The following ADAMTSL2 variants were observed in gnomAD, a reference collection of about 807,000 sequenced individuals.
ADAMTSL2 encodes the protein ADAMTS like 2.
Under a neutral mutation model 117.0 loss-of-function variants are expected in ADAMTSL2, and 55 were observed. The observed-to-expected ratio is 0.47, with a 90% CI of 0.38 to 0.59. ADAMTSL2 has a LOEUF of 0.59. Ranked by LOEUF, ADAMTSL2 falls within the 20% of genes least tolerant of loss-of-function variation. ADAMTSL2 has a pLI of 0.00. For synonymous variants in ADAMTSL2, 572 were observed against 566.4 expected (o/e 1.01, Z -0.14); for missense variants, 1,182 against 1,354.5 (o/e 0.87, Z 2.00).
At chr9:133,547,281 G>A in intron 9 of ADAMTSL2, 68 bp downstream of exon 9, 2 of 1,524,424 alleles carry the variant, frequency 1.3e-6, no homozygotes, top group Admixed American at 3.6e-5. Flanking sequence ...TCCAGCCACA[G>A]GTGAGGTCTT....
Position 133,554,264 on chromosome 9 carries a change from G to C in ADAMTSL2, c.940-93G>C. On this transcript the variant is annotated intron_variant, in intron 9 of 18. Transcript: ENST00000651351. This position sits in a 1 kb window ranked among gnomAD's most constrained non-coding sequence, Gnocchi z 5.2. Reference sequence around the variant, plus strand: ...GGGGCTCAACTGCCAGTCACAGCAGGGAACGCACCCTGCAGCTCTGTGGGA... The same window carrying C: ...GGGGCTCAACTGCCAGTCACAGCAGCGAACGCACCCTGCAGCTCTGTGGGA... 2 of 1,193,918 alleles carry C rather than the reference G, an allele frequency of 1.7e-6. No homozygotes were observed. 74.0% of individuals were successfully genotyped at this position (1,193,918 alleles called of 1,614,324 possible).
chr9:133,554,570 C>T lies in ADAMTSL2; in HGVS notation c.1153C>T (p.Leu385=), dbSNP rs1214394300. 6.5e-7 allele frequency: 1 copy of T among 1,546,704 alleles called. No homozygotes were observed. Among genetic ancestry groups the T allele is most frequent in the African/African-American group, 1.4e-5 (1 of 73,130 alleles). Residue 385 remains leucine, a synonymous_variant, in exon 10 of 19, where the codon CTG becomes TTG. Coordinates refer to ENST00000651351, the MANE Select transcript of ADAMTSL2 (RefSeq NM_014694.4). The surrounding 1 kb of genome is among the most constrained non-coding windows in gnomAD (Gnocchi z 5.2). Reference sequence around the variant, plus strand: ...AGAGCGGCTGGGCCTGGACAACCGGCTGTTCGGCCACCCGGGCCTGGACAT... The same window carrying T: ...AGAGCGGCTGGGCCTGGACAACCGGTTGTTCGGCCACCCGGGCCTGGACAT... ...SSERLGLDNR[L]FGHPGLDMEL...
chr9:133,538,289 C>T (rs1460442837), intron 3 of ADAMTSL2, 60 bp from the exon 4 acceptor site: 1 of 1,601,070 alleles, frequency 6.2e-7, no homozygotes, highest in African/African-American at 1.3e-5. Context: ...GGGGCCAGCC[C>T]AGGCGACATT....
chr9:133,569,849 C>A lies in ADAMTSL2; in HGVS notation c.2415+271C>A, dbSNP rs983166869. ...AGCCTGGGCCCCCAAGTCCCTGGGA[C>A]GCAGAAAGCTAGGGACAGGGGTTGT... On this transcript the variant is annotated intron_variant, in intron 16 of 18. Transcript: ENST00000651351. Among the ~76,000 whole-genome samples the A allele has an allele frequency of 7.0e-4, 107 of 152,208 alleles. 1 individual carries two copies. The highest frequency in any genetic ancestry group is 3.3e-4 in the Admixed American group (5 of 15,284).
At chr9:133,568,208 G>A (rs1564181172) in intron 13 of ADAMTSL2, 65 bp from the exon 14 acceptor site, 68 of 1,498,748 alleles carry the variant, frequency 4.5e-5, no homozygotes, top group Non-Finnish European at 6.0e-5. Flanking sequence ...CTCTGGGGGT[G>A]TGGGTTGCAT....
chr9:133,538,503 C>T, intron 4 of ADAMTSL2, 79 bp downstream of exon 4: 1 of 1,528,292 alleles, frequency 6.5e-7, no homozygotes, highest in Middle Eastern at 2.1e-4. Flanking sequence ...TTCCAGGTGG[C>T]TCCTGGGCAT....
rs1830983695 is a variant in ADAMTSL2 at position 133,566,754 on chromosome 9, C to T, written c.1748-182C>T. 3 of 796,570 alleles carry T rather than the reference C, an allele frequency of 3.8e-6. No homozygotes were observed. In the East Asian group the frequency reaches 8.1e-5, roughly 21 times the overall value. The allele number at this position is 796,570 out of a possible 1,614,324, so 49.3% of individuals were successfully genotyped here. A position where few individuals can be genotyped will look rare whatever the true frequency, so the allele number is the denominator to read the frequency against. On this transcript the variant is annotated intron_variant, in intron 12 of 18. Transcript: ENST00000651351. Reference sequence around the variant, plus strand: ...GGGTGGGGGTGCAAAGAGAAGAGCTCAGACCCGCACAGCTCAGACCCACAG... The same window carrying T: ...GGGTGGGGGTGCAAAGAGAAGAGCTTAGACCCGCACAGCTCAGACCCACAG...
intron 4 of ADAMTSL2, 22 bp from the exon 5 acceptor site, chr9:133,539,749 T>A: frequency 1.4e-6 from 2 of 1,418,952 alleles, no homozygotes; most frequent in Non-Finnish European, 1.9e-6. Context: ...TCCCGGAGCC[T>A]CCCTGTCCCT....
At position 133,554,654 on chromosome 9, in the gene ADAMTSL2, G is replaced by T; in HGVS notation, c.1237G>T (p.Gly413Trp). 6.6e-7 allele frequency: 1 copy of T among 1,524,822 alleles called. No homozygotes were observed. Among genetic ancestry groups the T allele is most frequent in the East Asian group, 2.4e-5 (1 of 41,078 alleles). The allele number at this position is 1,524,822 out of a possible 1,614,324, so 94.5% of individuals were successfully genotyped here. ...CGAGGTGTGCGAGCAGGCCGGCGGC[G>T]GGGCCTGCGAGGGGCCCCCCAGGGG... ...TNEVCEQAGG[G>W]ACEGPPRGKG... Residue 413 changes from glycine to tryptophan, a missense_variant, in exon 10 of 19, where the codon GGG (glycine) becomes TGG (tryptophan). Gly to Trp is a radical substitution (Grantham distance 184). Coordinates refer to ENST00000651351, the MANE Select transcript of ADAMTSL2 (RefSeq NM_014694.4). This position sits in a 1 kb window ranked among gnomAD's most constrained non-coding sequence, Gnocchi z 5.2.
intron 7 of ADAMTSL2, among the ~76,000 whole-genome samples, chr9:133,542,237 C>G (rs1588281644): frequency 6.6e-6 from 1 of 152,298 alleles, no homozygotes; most frequent in South Asian, 2.1e-4. Flanking sequence ...ACGGGCGTGC[C>G]GGACTGACAA....
At chr9:133,537,115 C>T (rs183775371) in intron 2 of ADAMTSL2, among the ~76,000 whole-genome samples, 3 of 152,136 alleles carry the variant, frequency 2.0e-5, no homozygotes, top group African/African-American at 7.2e-5. Context: ...CTGAGCTGCT[C>T]CGGGGAAAGT....
At chr9:133,537,094 G>A (rs531840046) in intron 2 of ADAMTSL2, among the ~76,000 whole-genome samples, 1 of 152,324 alleles carries the variant, frequency 6.6e-6, no homozygotes, top group Admixed American at 6.5e-5. Flanking sequence ...CCTGCAGAAC[G>A]CAGTTGGGCC....
Position 133,536,417 on chromosome 9 carries a change from C to A in ADAMTSL2, c.-150-146C>A, listed in dbSNP as rs920309644. The A allele has an allele frequency of 1.7e-5, 20 of 1,198,100 alleles. No homozygotes were observed. In the African/African-American group the frequency reaches 2.9e-4, roughly 18 times the overall value. 74.2% of individuals were successfully genotyped at this position (1,198,100 alleles called of 1,614,324 possible). The stretch of plus-strand genomic sequence containing the variant: ...TTGGAGGCAAAGCATGGCATGCTTC[C>A]CTGCATGCCCTTGGATCAAGGGTGG... On this transcript the variant is annotated intron_variant, in intron 1 of 18. Coordinates refer to ENST00000651351, the MANE Select transcript of ADAMTSL2 (RefSeq NM_014694.4).
intron 12 of ADAMTSL2, among the ~76,000 whole-genome samples, chr9:133,564,557 A>G (rs1588305053): frequency 1.0e-5 from 1 of 99,030 alleles, no homozygotes; most frequent in South Asian, 4.2e-4. Context: ...AGGGAGAGGG[A>G]GAGAGAGAGG....
At chr9:133,534,700 C>G (rs1588271432), upstream of ADAMTSL2, 1 of 1,356,788 alleles carries the variant, frequency 7.4e-7, no homozygotes, top group East Asian at 3.1e-5. Context: ...GGCGCAGAGC[C>G]GCCACTGGGC....
intron 8 of ADAMTSL2, among the ~76,000 whole-genome samples, chr9:133,545,387 A>C (rs1830324439): frequency 6.6e-6 from 1 of 152,178 alleles, no homozygotes. Context: ...TGGTGGGGTG[A>C]AGCCCATCTC....
At chr9:133,571,861 G>A (rs1239901789) in intron 17 of ADAMTSL2, among the ~76,000 whole-genome samples, 1 of 152,144 alleles carries the variant, frequency 6.6e-6, no homozygotes, top group Non-Finnish European at 1.5e-5. Flanking sequence ...TTTCCTGATG[G>A]GCCAACTCTG....
In ADAMTSL2 at chr9:133,561,176, C is replaced by T. The variant is rs1830719157; in HGVS notation, c.1650-22C>T. 89 of 1,585,180 alleles carry T rather than the reference C, an allele frequency of 5.6e-5. 1 individual carries two copies. The South Asian group carries it at 9.5e-4, about 17-fold the overall frequency. On this transcript the variant is annotated intron_variant, in intron 11 of 18. Transcript: ENST00000651351. ...GGGGCCTGGAGCGTCTCATCACCTT[C>T]CCTGCTTGGTCTCGCTTTCAGGACC...
rs1588315349 is a variant in ADAMTSL2 at position 133,575,155 on chromosome 9, C to A, written c.*291C>A. ...TTGTGGCTCCCACTCCCCAGCCCCC[C>A]AGCAGCCCCCAGCCGAGGGGCCCAG... On this transcript the variant is annotated 3_prime_UTR_variant, in exon 19 of 19. Coordinates refer to ENST00000651351, the MANE Select transcript of ADAMTSL2 (RefSeq NM_014694.4). 1 of 444,314 alleles carries A rather than the reference C, an allele frequency of 2.3e-6. No homozygotes were observed. Among genetic ancestry groups the A allele is most frequent in the Non-Finnish European group, 4.2e-6 (1 of 240,890 alleles). 27.5% of individuals were successfully genotyped at this position (444,314 alleles called of 1,614,324 possible).
Sources: gnomAD v4.1 joint callset for allele counts (sites outside exome capture counted in the v4.1 genomes callset) on GRCh38, gnomAD v4.1.1 for gene constraint, Gnocchi (gnomAD v3.1) non-coding constraint, MANE v1.5 for transcripts, NCBI Gene and HGNC (gene_info 2026-07-23, HGNC 2026-07-21) for gene names.